Variants in TGFA observed in about 807,000 individuals in gnomAD.
The protein encoded by TGFA is protransforming growth factor alpha.
In TGFA, 12 loss-of-function variants were observed where a neutral mutation model predicts 21.7. The observed-to-expected ratio is 0.55, with a 90% CI of 0.35 to 0.90. The LOEUF (loss-of-function observed/expected upper bound fraction) is 0.90, where lower values mean the gene tolerates loss of function less well. Ranked by LOEUF, TGFA falls within the 40% of genes least tolerant of loss-of-function variation. The pLI is 0.01. For synonymous variants in TGFA, 79 were observed against 88.1 expected, an observed-to-expected ratio of 0.90 and a Z score of 0.58; for missense variants, 178 against 210.8, an observed-to-expected ratio of 0.84 and a Z score of 0.96.
At chr2:70,477,596 A>C (rs548550567) in intron 2 of TGFA, among the ~76,000 whole-genome samples, 64 of 152,264 alleles carry the variant, frequency 4.2e-4, no homozygotes, top group Admixed American at 1.4e-3. Flanking sequence ...TGACCATGTG[A>C]CCAGGATATA....
In TGFA at chr2:70,553,215, G is replaced by T. The variant is rs561868018; in HGVS notation, c.40+513C>A. 1.5e-4 allele frequency: 234 copies of T among 1,536,184 alleles called. No homozygotes were observed. The East Asian group carries it at 4.9e-3, about 32-fold the overall frequency. ...AGCTCAAGAGCTCTGAAAAGAGATC[G>T]AGGGCGCCTCTGCCGATCTTGAACA... On this transcript the variant is annotated intron_variant, in intron 1 of 5. Coordinates refer to ENST00000295400, the MANE Select transcript of TGFA (RefSeq NM_003236.4).
intron 2 of TGFA, among the ~76,000 whole-genome samples, chr2:70,513,415 A>C (rs1418082971): frequency 6.6e-6 from 1 of 152,208 alleles, no homozygotes; most frequent in Non-Finnish European, 1.5e-5. Flanking sequence ...GTAATTAAAA[A>C]GTGAAAGTAC....
chr2:70,511,527 A>G (rs1251813586), intron 2 of TGFA, among the ~76,000 whole-genome samples: 1 of 152,266 alleles, frequency 6.6e-6, no homozygotes, highest in Non-Finnish European at 1.5e-5. Flanking sequence ...AATGCAAATT[A>G]AAACGAAGTA....
At chr2:70,461,921 T>C (rs1670415144) in intron 3 of TGFA, among the ~76,000 whole-genome samples, 1 of 152,230 alleles carries the variant, frequency 6.6e-6, no homozygotes, top group Non-Finnish European at 1.5e-5. Context: ...TTTAAACTTT[T>C]TTTTCTTTCC....
chr2:70,550,360 T>C (rs1673452207), intron 1 of TGFA, among the ~76,000 whole-genome samples: 2 of 152,134 alleles, frequency 1.3e-5, no homozygotes, highest in African/African-American at 4.8e-5. Context: ...GTTTTATTAT[T>C]CCCACTTTAC....
chr2:70,471,773 A>G (rs928617499), intron 2 of TGFA, among the ~76,000 whole-genome samples: 1 of 152,118 alleles, frequency 6.6e-6, no homozygotes, highest in Non-Finnish European at 1.5e-5. Flanking sequence ...AGTAGTCTCC[A>G]TTTTTTAGAT....
intron 2 of TGFA, among the ~76,000 whole-genome samples, chr2:70,469,914 G>A (rs1248295898): frequency 6.6e-6 from 1 of 152,186 alleles, no homozygotes; most frequent in East Asian, 1.9e-4. Context: ...GGTGGACTCT[G>A]CTATGGTCTC....
At chr2:70,526,888 C>G (rs1463225954) in intron 1 of TGFA, among the ~76,000 whole-genome samples, 1 of 152,170 alleles carries the variant, frequency 6.6e-6, no homozygotes, top group East Asian at 1.9e-4. Flanking sequence ...CTTTAAGTCC[C>G]ATGTAAGAGT....
At chr2:70,542,971 CGG>C (rs1574149324) in intron 1 of TGFA, among the ~76,000 whole-genome samples, 1 of 151,310 alleles carries the variant, frequency 6.6e-6, no homozygotes, top group Non-Finnish European at 1.5e-5. Flanking sequence ...GGCGTAGTGG[CGG>C]GCGCCTGTAA....
At chr2:70,551,615 T>C (rs79195815) in intron 1 of TGFA, among the ~76,000 whole-genome samples, 12 of 152,270 alleles carry the variant, frequency 7.9e-5, no homozygotes, top group African/African-American at 2.6e-4. Flanking sequence ...GAGGCAGCAG[T>C]TCTAGTAAAC....
chr2:70,553,670 G>A, intron 1 of TGFA, 58 bp downstream of exon 1: 3 of 1,336,282 alleles, frequency 2.2e-6, no homozygotes, highest in Non-Finnish European at 1.9e-6. Flanking sequence ...AACTCGGCGG[G>A]GACCGGGGGA....
At chr2:70,520,635 G>T (rs1672418876) in intron 1 of TGFA, among the ~76,000 whole-genome samples, 1 of 152,068 alleles carries the variant, frequency 6.6e-6, no homozygotes, top group South Asian at 2.1e-4. Flanking sequence ...CCCTTAAAAT[G>T]TTCAAGTCAC....
chr2:70,463,836 G>A (rs1391817305), intron 3 of TGFA, among the ~76,000 whole-genome samples: 1 of 152,154 alleles, frequency 6.6e-6, no homozygotes, highest in Non-Finnish European at 1.5e-5. Context: ...GGGCACTCAT[G>A]AAAACAACCC....
chr2:70,553,040 C>A lies in TGFA; in HGVS notation c.40+688G>T, dbSNP rs541651082. The A allele has an allele frequency of 2.0e-5, 18 of 908,726 alleles. No homozygotes were observed. In the African/African-American group the frequency reaches 2.7e-4, roughly 14 times the overall value. 56.3% of individuals were successfully genotyped at this position (908,726 alleles called of 1,614,324 possible). On this transcript the variant is annotated intron_variant, in intron 1 of 5. Transcript: ENST00000295400. ...ACTTCCCCTCACCTTTCCCATCCCTCCTTCATTTCCAAGGACATACTCAAA... is the reference window on the plus strand; with the variant it reads ...ACTTCCCCTCACCTTTCCCATCCCTACTTCATTTCCAAGGACATACTCAAA...
chr2:70,507,453 T>C (rs1671961172), intron 2 of TGFA, among the ~76,000 whole-genome samples: 1 of 152,276 alleles, frequency 6.6e-6, no homozygotes, highest in African/African-American at 2.4e-5. Context: ...ATATCATGTG[T>C]ATTTTCCCAA....
chr2:70,456,303 G>T (rs1031875406), intron 4 of TGFA, 36 bp downstream of exon 4: 28 of 1,527,602 alleles, frequency 1.8e-5, no homozygotes, highest in Non-Finnish European at 2.5e-5. Flanking sequence ...GGGGAGGTGG[G>T]CAGGGGACCT....
intron 4 of TGFA, among the ~76,000 whole-genome samples, chr2:70,455,615 A>G (rs1553490343): frequency 6.6e-6 from 1 of 152,108 alleles, no homozygotes; most frequent in Non-Finnish European, 1.5e-5. Context: ...TTTTGCACCA[A>G]CCTAATAAAT....
chr2:70,529,113 G>T (rs945174762), intron 1 of TGFA, among the ~76,000 whole-genome samples: 4 of 152,184 alleles, frequency 2.6e-5, no homozygotes, highest in Non-Finnish European at 5.9e-5. Context: ...CTGTCTCCTT[G>T]GGACCAAGTC....
At chr2:70,516,036 C>A (rs567493001) in intron 1 of TGFA, among the ~76,000 whole-genome samples, 2 of 152,200 alleles carry the variant, frequency 1.3e-5, no homozygotes, top group African/African-American at 2.4e-5. Flanking sequence ...AACAGATGAC[C>A]TTTATGTGCC....
Sources: allele counts gnomAD v4.1 joint callset (sites outside exome capture counted in the v4.1 genomes callset), GRCh38; gene constraint gnomAD v4.1.1; transcripts MANE v1.5; gene names NCBI Gene and HGNC (gene_info 2026-07-23, HGNC 2026-07-21).